The following ELP4 variants were observed in gnomAD, a reference collection of about 807,000 sequenced individuals.
The protein encoded by ELP4 is elongator acetyltransferase complex subunit 4.
ELP4 carries 51 observed loss-of-function variants against 48.9 expected under a neutral mutation model. That is an observed-to-expected ratio of 1.04 (90% CI 0.83 to 1.32). The LOEUF is 1.32. Among genes scored for constraint, ELP4 ranks in the 40% most tolerant of loss-of-function variants. The pLI, the probability that ELP4 is intolerant of heterozygous loss-of-function variation, is 0.00. For synonymous variants in ELP4, 210 were observed against 189.2 expected (o/e 1.11, Z -0.90); for missense variants, 519 against 514.6 (o/e 1.01, Z -0.08).
chr11:31,524,810 C>T (rs567280526), intron 2 of ELP4, among the ~76,000 whole-genome samples: 1 of 152,094 alleles, frequency 6.6e-6, no homozygotes, highest in African/African-American at 2.4e-5. Context: ...ATGGCAAAAC[C>T]CTGTTTCTAC....
chr11:31,633,138 A>C (rs1488156805), intron 7 of ELP4: 1 of 152,154 alleles, frequency 6.6e-6, no homozygotes, highest in Non-Finnish European at 1.5e-5. Flanking sequence ...TAAATGTTAA[A>C]TGAATATTGA....
At chr11:31,730,882 A>T (rs964169023) in intron 9 of ELP4, among the ~76,000 whole-genome samples, 1 of 152,176 alleles carries the variant, frequency 6.6e-6, no homozygotes, top group Admixed American at 6.5e-5. Context: ...GTCACTGAGA[A>T]CAAAAAAGAG....
chr11:31,576,432 C>T (rs917559243), intron 3 of ELP4, among the ~76,000 whole-genome samples: 5 of 152,170 alleles, frequency 3.3e-5, no homozygotes, highest in Admixed American at 6.5e-5. Context: ...AGCTCTGCAC[C>T]AGGCAGACCT....
intron 3 of ELP4, among the ~76,000 whole-genome samples, chr11:31,551,190 T>C (rs1383381944): frequency 6.6e-6 from 1 of 152,214 alleles, no homozygotes; most frequent in Non-Finnish European, 1.5e-5. Context: ...TCTGTGGTAT[T>C]GGCTATTGTT....
intron 3 of ELP4, among the ~76,000 whole-genome samples, chr11:31,562,358 C>T (rs567472038): frequency 7.0e-4 from 106 of 152,202 alleles, no homozygotes; most frequent in Non-Finnish European, 1.2e-3. Flanking sequence ...ATGTTATCCT[C>T]CTCATTTGCT....
intron 9 of ELP4, among the ~76,000 whole-genome samples, chr11:31,658,089 G>C (rs1480716105): frequency 6.6e-6 from 1 of 151,878 alleles, no homozygotes; most frequent in East Asian, 1.9e-4. Flanking sequence ...TCTAAAGCCT[G>C]TGCTCTTAAC....
Position 31,603,779 on chromosome 11 carries a change from A to G in ELP4, c.525A>G (p.Val175=), listed in dbSNP as rs367822897. 1.2e-6 allele frequency: 2 copies of G among 1,609,962 alleles called. No individual in the cohort carries two copies. Among genetic ancestry groups the G allele is most frequent in the African/African-American group, 1.3e-5 (1 of 74,824 alleles). The change falls in exon 5 of 10, where the codon GTA becomes GTG. Residue 175 remains valine (V), a synonymous_variant. Transcript: ENST00000640961. The part of the protein sequence containing the change: ...QLLPKMEIGP[V]SSSRFGHYYD... ...GTTTATTTTAGCAGATTGGACCAGT[A>G]TCATCTTCAAGATTTGGTCACTATT...
intron 3 of ELP4, among the ~76,000 whole-genome samples, chr11:31,549,251 A>G (rs1373088945): frequency 9.9e-5 from 15 of 151,790 alleles, no homozygotes; most frequent in Non-Finnish European, 1.8e-4. Flanking sequence ...ACAAAGGGCT[A>G]ATATCCAGAA....
At chr11:31,612,171 GTTTTA>G (rs1327633326) in intron 5 of ELP4, among the ~76,000 whole-genome samples, 1 of 151,986 alleles carries the variant, frequency 6.6e-6, no homozygotes, top group East Asian at 1.9e-4. Context: ...TTTTTGCTCT[GTTTTA>G]TTTAATTTAT....
intron 5 of ELP4, among the ~76,000 whole-genome samples, chr11:31,613,716 CTTT>C (rs570320794): frequency 2.4e-5 from 3 of 126,344 alleles, no homozygotes; most frequent in Admixed American, 8.0e-5. Flanking sequence ...GAACAAGAGT[CTTT>C]TTTTTTTTTT....
intron 3 of ELP4, among the ~76,000 whole-genome samples, chr11:31,572,293 T>A (rs1460696887): frequency 2.6e-5 from 4 of 152,240 alleles, no homozygotes; most frequent in Non-Finnish European, 5.9e-5. Context: ...CAGCTTTTTT[T>A]CTGAAGCTTC....
At chr11:31,772,182 G>A (rs1228850823) in intron 9 of ELP4, among the ~76,000 whole-genome samples, 1 of 149,900 alleles carries the variant, frequency 6.7e-6, no homozygotes, top group African/African-American at 2.5e-5. Context: ...TACAGTGGCG[G>A]AATCTCAGCT....
At chr11:31,730,556 A>G (rs1200522199) in intron 9 of ELP4, among the ~76,000 whole-genome samples, 1 of 152,050 alleles carries the variant, frequency 6.6e-6, no homozygotes, top group Non-Finnish European at 1.5e-5. Flanking sequence ...TAAACATCCA[A>G]CATTCTGACT....
chr11:31,770,771 G>A (rs1289763786), intron 9 of ELP4, among the ~76,000 whole-genome samples: 1 of 144,426 alleles, frequency 6.9e-6, no homozygotes, highest in African/African-American at 2.6e-5. Context: ...AGATGTGTTA[G>A]CACATGCCTG....
chr11:31,677,309 G>T (rs1037932904), intron 9 of ELP4, among the ~76,000 whole-genome samples: 1 of 152,164 alleles, frequency 6.6e-6, no homozygotes, highest in Non-Finnish European at 1.5e-5. Context: ...CAAGGTCCAG[G>T]GTGGGTGAGA....
chr11:31,709,257 C>A (rs184555744), intron 9 of ELP4, among the ~76,000 whole-genome samples: 2 of 152,152 alleles, frequency 1.3e-5, no homozygotes, highest in African/African-American at 4.8e-5. Flanking sequence ...ATTGATGATA[C>A]GTCATATTAC....
At position 31,577,808 on chromosome 11, in the gene ELP4, G is replaced by A. The variant is rs543330236; in HGVS notation, c.382-16962G>A. ...TGGGACGTATCTCAAAATAATAAGC[G>A]CTATTTATGACAAACCCACAGCCAA... On this transcript the variant is annotated intron_variant, in intron 3 of 9. Coordinates refer to ENST00000640961, the MANE Select transcript of ELP4 (RefSeq NM_019040.5). Among the ~76,000 whole-genome samples the A allele has an allele frequency of 1.2e-3, 175 of 152,136 alleles. 1 individual carries two copies. Among genetic ancestry groups the A allele is most frequent in the African/African-American group, 4.0e-3 (165 of 41,494 alleles).
At chr11:31,554,325 C>G (rs569142526) in intron 3 of ELP4, among the ~76,000 whole-genome samples, 81 of 152,264 alleles carry the variant, frequency 5.3e-4, no homozygotes, top group Non-Finnish European at 1.0e-3. Context: ...TTAAAGGATT[C>G]TCTTGCTCTA....
intron 9 of ELP4, among the ~76,000 whole-genome samples, chr11:31,767,002 G>GA (rs1185534871): frequency 2.0e-5 from 3 of 151,948 alleles, no homozygotes; most frequent in African/African-American, 7.2e-5. Flanking sequence ...ATCATTTGAT[G>GA]AAAAAAATCA....
Sources: allele counts gnomAD v4.1 joint callset (sites outside exome capture counted in the v4.1 genomes callset), GRCh38; gene constraint gnomAD v4.1.1; transcripts MANE v1.5; gene names NCBI Gene and HGNC (gene_info 2026-07-23, HGNC 2026-07-21).